The following PARD3 variants were observed in gnomAD, a reference collection of about 807,000 sequenced individuals.
PARD3 encodes partitioning defective 3 homolog.
PARD3 carries 75 observed loss-of-function variants against 155.4 expected under a neutral mutation model. That is an observed-to-expected ratio of 0.48 (90% CI 0.40 to 0.58). The LOEUF is 0.58. Among genes scored for constraint, PARD3 ranks in the 20% least tolerant of loss-of-function variants. The probability of loss-of-function intolerance (pLI) is 0.00; values close to 1 mark genes in which losing one functional copy is unlikely to be tolerated. For missense variants in PARD3, 1,642 were observed against 1,721.7 expected (o/e 0.95, Z 0.82); for synonymous variants, 576 against 610.5 (o/e 0.94, Z 0.83).
intron 2 of PARD3, among the ~76,000 whole-genome samples, chr10:34,665,602 T>C (rs943044037): frequency 1.3e-5 from 2 of 151,910 alleles, no homozygotes; most frequent in Non-Finnish European, 2.9e-5. Flanking sequence ...CACTTTGGGA[T>C]GGCGAGGCAG....
chr10:34,218,661 A>G (rs1952127080), intron 22 of PARD3, among the ~76,000 whole-genome samples: 1 of 152,170 alleles, frequency 6.6e-6, no homozygotes, highest in Non-Finnish European at 1.5e-5. Flanking sequence ...GAAGGTCGTG[A>G]CAGCAATGAA....
At chr10:34,506,599 C>T (rs899937715) in intron 3 of PARD3, among the ~76,000 whole-genome samples, 4 of 152,146 alleles carry the variant, frequency 2.6e-5, no homozygotes, top group Admixed American at 2.0e-4. Context: ...TCTAAGTCTG[C>T]TCCACTGTCA....
intron 22 of PARD3, among the ~76,000 whole-genome samples, chr10:34,256,398 C>T (rs1954657980): frequency 1.3e-5 from 2 of 152,242 alleles, no homozygotes; most frequent in Admixed American, 1.3e-4. Flanking sequence ...AAGGTTACCA[C>T]AGCCGGAGCA....
chr10:34,753,505 C>G (rs145717070), intron 1 of PARD3, among the ~76,000 whole-genome samples: 1 of 152,256 alleles, frequency 6.6e-6, no homozygotes, highest in East Asian at 1.9e-4. Flanking sequence ...GACCTTGCCA[C>G]ATGGACAACA....
intron 2 of PARD3, among the ~76,000 whole-genome samples, chr10:34,648,996 C>T (rs1434302750): frequency 6.6e-6 from 1 of 152,122 alleles, no homozygotes; most frequent in African/African-American, 2.4e-5. Flanking sequence ...GTCTGCTAAG[C>T]ATTAAATGAA....
At chr10:34,518,337 C>T (rs968357618) in intron 2 of PARD3, among the ~76,000 whole-genome samples, 5 of 152,216 alleles carry the variant, frequency 3.3e-5, no homozygotes, top group Non-Finnish European at 5.9e-5. Flanking sequence ...CTGAGCATGC[C>T]TAGTACCCAG....
chr10:34,396,902 C>T (rs1843401941), intron 7 of PARD3, among the ~76,000 whole-genome samples: 1 of 152,158 alleles, frequency 6.6e-6, no homozygotes, highest in African/African-American at 2.4e-5. Context: ...AAATCATCTT[C>T]CGCAACAAGC....
At chr10:34,439,049 T>C (rs1336743342) in intron 5 of PARD3, among the ~76,000 whole-genome samples, 1 of 152,090 alleles carries the variant, frequency 6.6e-6, no homozygotes, top group East Asian at 1.9e-4. Context: ...AGACAGGAGA[T>C]TATGTGCATG....
At chr10:34,627,483 C>T (rs1056314297) in intron 2 of PARD3, among the ~76,000 whole-genome samples, 6 of 152,102 alleles carry the variant, frequency 3.9e-5, no homozygotes, top group African/African-American at 1.2e-4. Flanking sequence ...AGCCCTAATC[C>T]GAGATGACTA....
chr10:34,695,106 C>T (rs558595180), intron 2 of PARD3, among the ~76,000 whole-genome samples: 1 of 152,324 alleles, frequency 6.6e-6, no homozygotes, highest in Admixed American at 6.5e-5. Flanking sequence ...CAGGCCGCTG[C>T]CTCCATACTA....
chr10:34,223,716 A>G (rs1952436821), intron 22 of PARD3, among the ~76,000 whole-genome samples: 1 of 152,224 alleles, frequency 6.6e-6, no homozygotes, highest in South Asian at 2.1e-4. Flanking sequence ...AAACAGTAAT[A>G]ATGACAGCCA....
At chr10:34,674,070 C>T (rs1439849875) in intron 2 of PARD3, among the ~76,000 whole-genome samples, 3 of 151,722 alleles carry the variant, frequency 2.0e-5, no homozygotes, top group Admixed American at 6.6e-5. Flanking sequence ...TAACACAGCA[C>T]TTAGCCAGAA....
At chr10:34,245,084 G>C (rs749751096) in intron 22 of PARD3, among the ~76,000 whole-genome samples, 4 of 152,130 alleles carry the variant, frequency 2.6e-5, no homozygotes, top group Non-Finnish European at 5.9e-5. Flanking sequence ...GCAAAAAGTG[G>C]AGCGGATACA....
At chr10:34,219,712 T>A (rs918576792) in intron 22 of PARD3, among the ~76,000 whole-genome samples, 3 of 152,214 alleles carry the variant, frequency 2.0e-5, no homozygotes, top group Non-Finnish European at 4.4e-5. Context: ...CCTGTAAATC[T>A]CTTAGTCATT....
At chr10:34,739,788 C>T (rs566892551) in intron 1 of PARD3, among the ~76,000 whole-genome samples, 2 of 152,256 alleles carry the variant, frequency 1.3e-5, no homozygotes, top group South Asian at 4.1e-4. Context: ...TAGAAAATGC[C>T]CCATGCACTG....
At chr10:34,131,650 C>T in intron 22 of PARD3, 67 bp from the exon 23 acceptor site, 1 of 1,367,104 alleles carries the variant, frequency 7.3e-7, no homozygotes, top group Non-Finnish European at 1.0e-6. Context: ...CAGTTGCTAG[C>T]AAAACATGGC....
At position 34,689,119 on chromosome 10, in the gene PARD3, T is replaced by C. The variant is rs189113954; in HGVS notation, c.222+7199A>G. 6.6e-5 allele frequency among the ~76,000 whole-genome samples: 10 copies of C among 152,336 alleles called. No homozygotes were observed. In the East Asian group the frequency reaches 1.9e-3, roughly 29 times the overall value. On this transcript the variant is annotated intron_variant, in intron 2 of 24. Coordinates refer to ENST00000374788, the MANE Select transcript of PARD3 (RefSeq NM_001184785.2). ...AACAGGACATTATTTTAGATACATG[T>C]TATTATTTAAGAGAGGTATAATGCT...
chr10:34,205,565 CA>C (rs1951433862), intron 22 of PARD3, among the ~76,000 whole-genome samples: 1 of 152,032 alleles, frequency 6.6e-6, no homozygotes, highest in Non-Finnish European at 1.5e-5. Context: ...CAATGGCAAG[CA>C]GAGGGACTTG....
intron 5 of PARD3, among the ~76,000 whole-genome samples, chr10:34,412,200 C>T (rs1014580419): frequency 2.6e-5 from 4 of 152,002 alleles, no homozygotes; most frequent in Non-Finnish European, 4.4e-5. Context: ...TGGCCTCAAG[C>T]GATCTTCCCA....
Sources: allele counts gnomAD v4.1 joint callset (sites outside exome capture counted in the v4.1 genomes callset), GRCh38; gene constraint gnomAD v4.1.1; transcripts MANE v1.5; gene names NCBI Gene and HGNC (gene_info 2026-07-23, HGNC 2026-07-21).